Variants in ASXL3 observed in about 807,000 individuals in gnomAD.
The protein encoded by ASXL3 is putative Polycomb group protein ASXL3.
Under a neutral mutation model 170.6 loss-of-function variants are expected in ASXL3, and 34 were observed. That is an observed-to-expected ratio of 0.20 (90% confidence interval 0.15 to 0.27). The LOEUF is 0.27. ASXL3 is among the 10% of genes least tolerant of loss of function. ASXL3 has a pLI of 1.00. For synonymous variants in ASXL3, 1,002 were observed against 989.1 expected (o/e 1.01, Z -0.24); for missense variants, 2,592 against 2,695.3 (o/e 0.96, Z 0.85).
Position 33,609,128 on chromosome 18 carries a change from G to C in ASXL3, c.137+1452G>C, listed in dbSNP as rs1419990684. 5.4e-6 allele frequency: 5 copies of C among 932,484 alleles called. No individual in the cohort carries two copies. In the African/African-American group the frequency reaches 8.9e-5, roughly 17 times the overall value. 57.8% of individuals were successfully genotyped at this position (932,484 alleles called of 1,614,324 possible). A position where few individuals can be genotyped will look rare whatever the true frequency, so the allele number is the denominator to read the frequency against. On this transcript the variant is annotated intron_variant, in intron 2 of 11. Transcript: ENST00000269197. ...GTTAAAGGAGATCCTATTTTAACCC[G>C]GATGTCAGTTTAAGGAGTTAGGGAA... is the stretch of plus-strand genomic sequence containing the variant.
At chr18:33,741,209 G>A (rs904212376) in intron 11 of ASXL3, among the ~76,000 whole-genome samples, 45 of 152,042 alleles carry the variant, frequency 3.0e-4, no homozygotes, top group Admixed American at 9.8e-4. Flanking sequence ...CTTTCCATAG[G>A]AGATATTTTT....
At chr18:33,734,197 C>T (rs2067506764) in intron 9 of ASXL3, 113 bp from the exon 10 acceptor site, 1 of 601,976 alleles carries the variant, frequency 1.7e-6, no homozygotes, top group African/African-American at 1.9e-5. Flanking sequence ...CATTATTTGT[C>T]CTTGTACTTT....
chr18:33,681,732 A>G (rs185892054), intron 7 of ASXL3, among the ~76,000 whole-genome samples: 6 of 151,924 alleles, frequency 3.9e-5, no homozygotes, highest in Admixed American at 2.6e-4. Flanking sequence ...TATTTCAGTC[A>G]TTAGCTATTC....
chr18:33,588,552 A>G (rs1365710141), intron 1 of ASXL3, among the ~76,000 whole-genome samples: 1 of 152,092 alleles, frequency 6.6e-6, no homozygotes, highest in Non-Finnish European at 1.5e-5. Context: ...CCATGACTCC[A>G]TGCTTATTGC....
At position 33,739,987 on chromosome 18, in the gene ASXL3, A is replaced by T. The variant is rs61734123; in HGVS notation, c.2583A>T (p.Ile861=). 3.0e-4 allele frequency: 486 copies of T among 1,613,954 alleles called. 4 individuals carry two copies. The African/African-American group carries it at 5.8e-3, about 19-fold the overall frequency. Residue 861 remains isoleucine (I), a synonymous_variant, in exon 11 of 12, where the codon ATA becomes ATT. Coordinates refer to ENST00000269197, the MANE Select transcript of ASXL3 (RefSeq NM_030632.3). Reference sequence around the variant, plus strand: ...CAGAACTTGCTTCTACTGAAATGATAAAAGTTAAAAATCATAGCGTCCTGC... The same window carrying T: ...CAGAACTTGCTTCTACTGAAATGATTAAAGTTAAAAATCATAGCGTCCTGC... ...SIPELASTEM[I]KVKNHSVLQR... is the part of the protein sequence containing the mutation.
At chr18:33,594,392 C>T (rs1480044443) in intron 1 of ASXL3, among the ~76,000 whole-genome samples, 1 of 152,124 alleles carries the variant, frequency 6.6e-6, no homozygotes, top group South Asian at 2.1e-4. Context: ...AGCTCCCAAC[C>T]TGGTTGTAAG....
intron 4 of ASXL3, among the ~76,000 whole-genome samples, chr18:33,654,889 A>G (rs2066059348): frequency 6.6e-6 from 1 of 152,032 alleles, no homozygotes. Context: ...TTCTGTGTTT[A>G]AGGAGATATT....
intron 8 of ASXL3, 92 bp from the exon 9 acceptor site, chr18:33,731,876 C>G (rs1028390109): frequency 2.2e-6 from 2 of 910,740 alleles, no homozygotes; most frequent in African/African-American, 3.3e-5. Flanking sequence ...ACATACACTG[C>G]CCAACACCAC....
At chr18:33,662,740 G>A (rs919913094) in intron 5 of ASXL3, among the ~76,000 whole-genome samples, 2 of 152,192 alleles carry the variant, frequency 1.3e-5, no homozygotes, top group Non-Finnish European at 2.9e-5. Context: ...GCCACCCATT[G>A]ATGACCTTTA....
rs750942454 is a variant in ASXL3, at chr18:33,739,237, G to A, written c.1833G>A (p.Thr611=). ...QLSENACISE[T]SFSSESPEGA... is the part of the protein sequence containing the mutation. ...CAGAAAATGCCTGCATCTCTGAAAC[G>A]TCCTTTTCTTCTGAGAGCCCAGAGG... The change falls in exon 11 of 12, where the codon ACG becomes ACA. Residue 611 remains threonine, a synonymous_variant. Transcript: ENST00000269197. The A allele has an allele frequency of 1.3e-5, 21 of 1,613,660 alleles. No individual in the cohort carries two copies. The highest frequency in any genetic ancestry group is 1.6e-4 in the Middle Eastern group (1 of 6,084).
In ASXL3 at chr18:33,646,276, C is replaced by T. The variant is rs770800472; in HGVS notation, c.278C>T (p.Thr93Met). The T allele has an allele frequency of 4.4e-5, 71 of 1,610,880 alleles. No individual in the cohort carries two copies. In the South Asian group the frequency reaches 7.1e-4, roughly 16 times the overall value. Residue 93 changes from threonine to methionine, a missense_variant, in exon 4 of 12, where the codon ACG becomes ATG. Thr to Met is a moderately conservative substitution (Grantham distance 81). This residue lies in a region of ASXL3 where 251 missense variants were observed against 281.9 expected (regional missense o/e 0.89). Coordinates refer to ENST00000269197, the MANE Select transcript of ASXL3 (RefSeq NM_030632.3). The stretch of plus-strand genomic sequence containing the variant: ...GAGTCGTCATGCCCAGCAGATGGCA[C>T]GTTGGATTTAGTCTGTGAATCTGAA... ...KEESSCPADG[T>M]LDLVCESELD...
chr18:33,731,399 A>G (rs1418094215), intron 8 of ASXL3, among the ~76,000 whole-genome samples: 1 of 152,132 alleles, frequency 6.6e-6, no homozygotes, highest in Non-Finnish European at 1.5e-5. Context: ...CCAGTTACTG[A>G]TAGTTCATTA....
chr18:33,687,143 A>G (rs2066609901), intron 8 of ASXL3, among the ~76,000 whole-genome samples: 1 of 152,216 alleles, frequency 6.6e-6, no homozygotes, highest in Admixed American at 6.5e-5. Flanking sequence ...CTTAAGAAAG[A>G]GAAGCTTTGT....
intron 1 of ASXL3, among the ~76,000 whole-genome samples, chr18:33,596,538 G>A (rs11876602): frequency 0.026 from 4,006 of 152,160 alleles, 198 homozygotes; most frequent in African/African-American, 0.092. Flanking sequence ...CATTTTATAC[G>A]ATTATCTAAA....
chr18:33,616,398 C>CTGTG (rs34006188), intron 2 of ASXL3, among the ~76,000 whole-genome samples: 2,990 of 149,626 alleles, frequency 0.02, 43 homozygotes, highest in Non-Finnish European at 0.026. Flanking sequence ...TTGTGTGTGC[C>CTGTG]TGTGTGTGTG....
At chr18:33,660,202 C>A (rs1263594161) in intron 4 of ASXL3, among the ~76,000 whole-genome samples, 1 of 152,046 alleles carries the variant, frequency 6.6e-6, no homozygotes, top group African/African-American at 2.4e-5. Context: ...GAAATATATA[C>A]CTTATTGTGT....
At chr18:33,689,730 G>A (rs2066657550) in intron 8 of ASXL3, among the ~76,000 whole-genome samples, 11 of 152,174 alleles carry the variant, frequency 7.2e-5, no homozygotes. Flanking sequence ...GTATTAAAGT[G>A]TATTTGTCAA....
chr18:33,609,754 T>C (rs151119739), intron 2 of ASXL3, among the ~76,000 whole-genome samples: 55 of 152,066 alleles, frequency 3.6e-4, no homozygotes, highest in African/African-American at 1.3e-3. Context: ...TGAACCAGTA[T>C]AGTATTAGTG....
Position 33,740,154 on chromosome 18 carries a change from C to T in ASXL3, c.2750C>T (p.Ser917Leu), listed in dbSNP as rs1457976867. Reference sequence around the variant, plus strand: ...TCATCAGTGGATAAGGCTCCATTTTCAGAAGGCTCTAGAAATAAAACACAT... The same window carrying T: ...TCATCAGTGGATAAGGCTCCATTTTTAGAAGGCTCTAGAAATAAAACACAT... ...YISSVDKAPF[S>L]EGSRNKTHKQ... is the part of the protein sequence containing the mutation. Residue 917 changes from serine (S) to leucine (L), a missense_variant, in exon 11 of 12, where the codon TCA (serine) becomes TTA (leucine). By Grantham distance (145) the Ser-to-Leu change is moderately radical. Around this residue, in one of 4 missense-constraint regions of ASXL3, gnomAD observed 2,246 missense variants for 2,219.6 expected, o/e 1.01. Transcript: ENST00000269197. 2 of 1,613,856 alleles carry T rather than the reference C, an allele frequency of 1.2e-6. No individual in the cohort carries two copies. Among genetic ancestry groups the T allele is most frequent in the Admixed American group, 3.3e-5 (2 of 60,016 alleles).
Sources: allele counts gnomAD v4.1 joint callset (sites outside exome capture counted in the v4.1 genomes callset), GRCh38; gene constraint gnomAD v4.1.1; regional missense constraint gnomAD v4.1.1; transcripts MANE v1.5; gene names NCBI Gene and HGNC (gene_info 2026-07-23, HGNC 2026-07-21).